The following NRIP1 variants were observed in gnomAD, a reference collection of about 807,000 sequenced individuals.
The protein encoded by NRIP1 is nuclear receptor-interacting protein 1.
NRIP1 carries 28 observed loss-of-function variants against 75.0 expected under a neutral mutation model. The observed-to-expected ratio is 0.37, with a 90% CI of 0.28 to 0.51. The LOEUF (loss-of-function observed/expected upper bound fraction) is 0.51. Among genes scored for constraint, NRIP1 ranks in the 20% least tolerant of loss-of-function variants. The pLI, the probability that NRIP1 is intolerant of heterozygous loss-of-function variation, is 0.92. For synonymous variants in NRIP1, 526 were observed against 487.6 expected (o/e 1.08, Z -1.04); for missense variants, 1,435 against 1,343.7 (o/e 1.07, Z -1.06).
chr21:14,978,583 T>C (rs2087142668), intron 3 of NRIP1, among the ~76,000 whole-genome samples: 1 of 152,148 alleles, frequency 6.6e-6, no homozygotes, highest in Non-Finnish European at 1.5e-5. Flanking sequence ...ATCACAAAGA[T>C]TTAAGATCTT....
intron 2 of NRIP1, among the ~76,000 whole-genome samples, chr21:15,031,056 A>C (rs796297588): frequency 0.021 from 839 of 39,810 alleles, 1 homozygote; most frequent in African/African-American, 0.11. Flanking sequence ...GGTTCACTAC[A>C]TTCCCTTTCT....
At chr21:15,025,509 T>A (rs1170265102) in intron 2 of NRIP1, among the ~76,000 whole-genome samples, 1 of 151,918 alleles carries the variant, frequency 6.6e-6, no homozygotes, top group African/African-American at 2.4e-5. Context: ...TACAAATAAA[T>A]TAACTAAAAC....
chr21:15,052,594 T>G (rs1254710560), intron 1 of NRIP1, among the ~76,000 whole-genome samples: 3 of 152,192 alleles, frequency 2.0e-5, no homozygotes, highest in Admixed American at 2.0e-4. Context: ...GCCAATGACT[T>G]AAACTACAGA....
At chr21:15,042,934 G>A (rs1486416200) in intron 2 of NRIP1, among the ~76,000 whole-genome samples, 1 of 152,176 alleles carries the variant, frequency 6.6e-6, no homozygotes, top group Non-Finnish European at 1.5e-5. Context: ...CCTACAAGCA[G>A]ATAAATTATT....
At position 14,961,724 on chromosome 21, in the gene NRIP1, C is replaced by A. The variant is rs2086594702; in HGVS notation, c.*2992G>T. On this transcript the variant is annotated 3_prime_UTR_variant, in exon 4 of 4. Coordinates refer to ENST00000318948, the MANE Select transcript of NRIP1 (RefSeq NM_003489.4). ...TGCCAAATGCACAGATGCACAGGGT[C>A]CCCCATGCACTTTTCATGCAGCAGG... 6.6e-6 allele frequency: 1 copy of A among 152,208 alleles called. No individual in the cohort carries two copies. Among genetic ancestry groups the A allele is most frequent in the South Asian group, 2.1e-4 (1 of 4,824 alleles). 9.4% of individuals were successfully genotyped at this position (152,208 alleles called of 1,614,324 possible). A position where few individuals can be genotyped will look rare whatever the true frequency, so the allele number is the denominator to read the frequency against.
rs577004679 is a variant in NRIP1, at chr21:15,017,919, T to C, written c.-457-3453A>G. Among the ~76,000 whole-genome samples, 5 of 152,250 alleles carry C rather than the reference T, an allele frequency of 3.3e-5. No homozygotes were observed. In the East Asian group the frequency reaches 9.6e-4, roughly 29 times the overall value. ...ACACTCTCCTTCTGAGACAAATATA[T>C]GACCACACAAAAGATAAATTAAAAG... On this transcript the variant is annotated intron_variant, in intron 2 of 3. Transcript: ENST00000318948.
chr21:15,014,708 G>T (rs898301106), intron 2 of NRIP1, among the ~76,000 whole-genome samples: 1 of 151,958 alleles, frequency 6.6e-6, no homozygotes, highest in Non-Finnish European at 1.5e-5. Context: ...TGTGAAAAAG[G>T]TTTATAGTTG....
chr21:15,000,091 A>G lies in NRIP1; in HGVS notation c.-335+14253T>C, dbSNP rs79169393. On this transcript the variant is annotated intron_variant, in intron 3 of 3. Transcript: ENST00000318948. Reference sequence around the variant, plus strand: ...GGCAATTTGAAGGGAAGAAGAACTCAAAGCACACATTTGGAAGAAGTACAC... The same window carrying G: ...GGCAATTTGAAGGGAAGAAGAACTCGAAGCACACATTTGGAAGAAGTACAC... 0.018 allele frequency among the ~76,000 whole-genome samples: 2,775 copies of G among 152,332 alleles called. 227 individuals are homozygous for G. In the East Asian group the frequency reaches 0.27, roughly 15 times the overall value.
intron 3 of NRIP1, among the ~76,000 whole-genome samples, chr21:15,002,546 A>T (rs924895368): frequency 6.6e-6 from 1 of 152,118 alleles, no homozygotes; most frequent in Admixed American, 6.5e-5. Context: ...TCGGTGAACT[A>T]ATTCATCACA....
At chr21:14,981,956 G>A (rs947563794) in intron 3 of NRIP1, among the ~76,000 whole-genome samples, 7 of 150,892 alleles carry the variant, frequency 4.6e-5, no homozygotes, top group Admixed American at 1.3e-4. Context: ...AGGATCAAGC[G>A]ATCCTCCTAC....
chr21:15,022,295 A>G (rs1490641169), intron 2 of NRIP1, among the ~76,000 whole-genome samples: 2 of 152,228 alleles, frequency 1.3e-5, no homozygotes, highest in African/African-American at 4.8e-5. Context: ...CAGAAAACCA[A>G]GCACTGTATG....
At chr21:15,035,000 T>C (rs536063607) in intron 2 of NRIP1, among the ~76,000 whole-genome samples, 20 of 152,322 alleles carry the variant, frequency 1.3e-4, no homozygotes, top group African/African-American at 4.8e-4. Flanking sequence ...TTCTGCATAA[T>C]ATTCTTATGA....
At chr21:14,983,343 G>C (rs1179079737) in intron 3 of NRIP1, among the ~76,000 whole-genome samples, 3 of 152,132 alleles carry the variant, frequency 2.0e-5, no homozygotes, top group Admixed American at 6.6e-5. Flanking sequence ...GATCAAACCA[G>C]CTATTACATT....
rs201612350 is a variant in NRIP1, at chr21:14,964,851, C to T, written c.3342G>A (p.Thr1114=). The T allele has an allele frequency of 2.3e-5, 37 of 1,613,368 alleles. No homozygotes were observed. The East Asian group carries it at 4.7e-4, about 20-fold the overall frequency. ...AKEELLPTAE[T]KASFFNLRSP... The stretch of plus-strand genomic sequence containing the variant: ...TTCTTAAATTAAAGAAAGAAGCTTT[C>T]GTTTCTGCAGTAGGAAGTAACTCTT... The change falls in exon 4 of 4, where the codon ACG becomes ACA. Residue 1114 remains threonine (T), a synonymous_variant. Coordinates refer to ENST00000318948, the MANE Select transcript of NRIP1 (RefSeq NM_003489.4).
At chr21:15,024,768 TC>T (rs778840951) in intron 2 of NRIP1, among the ~76,000 whole-genome samples, 28 of 152,136 alleles carry the variant, frequency 1.8e-4, no homozygotes, top group Non-Finnish European at 1.3e-4. Context: ...TCTGTATTGT[TC>T]TTGTTATTGT....
At chr21:14,976,673 T>G (rs2087080061) in intron 3 of NRIP1, among the ~76,000 whole-genome samples, 1 of 152,182 alleles carries the variant, frequency 6.6e-6, no homozygotes, top group Admixed American at 6.5e-5. Flanking sequence ...CTACACACTT[T>G]AAAATGATAA....
chr21:14,978,315 G>A (rs1215712770), intron 3 of NRIP1, among the ~76,000 whole-genome samples: 1 of 152,124 alleles, frequency 6.6e-6, no homozygotes, highest in East Asian at 1.9e-4. Context: ...ATGATATGCT[G>A]TCATAAAGTT....
rs1342351994 is a variant in NRIP1, at chr21:14,967,073, C to T, written c.1120G>A (p.Ala374Thr). Residue 374 changes from alanine to threonine, a missense_variant, in exon 4 of 4, where the codon GCT (alanine) becomes ACT (threonine). Physicochemically the swap from Ala to Thr is moderately conservative, Grantham distance 58. Coordinates refer to ENST00000318948, the MANE Select transcript of NRIP1 (RefSeq NM_003489.4). ...TGTAAAAGCAAACTATTGTTAGCAG[C>T]TTGTTTTATATTGTTTCTTTCCAGT... ...NSLERNNIKQ[A>T]ANNSLLLHLL... 7 of 1,613,932 alleles carry T rather than the reference C, an allele frequency of 4.3e-6. No individual in the cohort carries two copies. Among genetic ancestry groups the T allele is most frequent in the Non-Finnish European group, 5.9e-6 (7 of 1,180,006 alleles).
chr21:15,016,096 A>G (rs766888051), intron 2 of NRIP1, among the ~76,000 whole-genome samples: 5 of 152,234 alleles, frequency 3.3e-5, no homozygotes, highest in Non-Finnish European at 5.9e-5. Context: ...ACAAAATGCT[A>G]TCATGGACAT....
Sources: allele counts gnomAD v4.1 joint callset (sites outside exome capture counted in the v4.1 genomes callset), GRCh38; gene constraint gnomAD v4.1.1; transcripts MANE v1.5; gene names NCBI Gene and HGNC (gene_info 2026-07-23, HGNC 2026-07-21).